The following GASK1B variants were observed in gnomAD, a reference collection of about 807,000 sequenced individuals.
GASK1B encodes the protein Golgi-associated kinase 1B.
Under a neutral mutation model 42.8 loss-of-function variants are expected in GASK1B, and 34 were observed. The ratio of observed to expected loss-of-function variants is 0.79; its 90% confidence interval spans 0.60 to 1.06. The LOEUF is 1.06. Among genes scored for constraint, GASK1B ranks in the 50% least tolerant of loss-of-function variants. GASK1B has a pLI of 0.00. For synonymous variants in GASK1B, 262 were observed against 259.1 expected, an observed-to-expected ratio of 1.01 and a Z score of -0.11; for missense variants, 686 against 661.0, an observed-to-expected ratio of 1.04 and a Z score of -0.42.
Position 158,170,807 on chromosome 4 carries a change from G to C in GASK1B, c.569C>G (p.Ala190Gly). 1.2e-6 allele frequency: 2 copies of C among 1,614,176 alleles called. No individual in the cohort carries two copies. Among genetic ancestry groups the C allele is most frequent in the Non-Finnish European group, 1.7e-6 (2 of 1,180,022 alleles). ...GGGCTGCAGGAAGTCTGGGCCCCCG[G>C]CTCGCACTCCCGGACCCCGCACCAA... ...WRLVRGPGVR[A>G]GGPDFLQPSS... The change falls in exon 2 of 5, where the codon GCC becomes GGC. Residue 190 changes from alanine to glycine, a missense_variant. Physicochemically the swap from Ala to Gly is moderately conservative, Grantham distance 60. Transcript: ENST00000585682.
chr4:158,138,504 C>G (rs1412015735), intron 3 of GASK1B, among the ~76,000 whole-genome samples: 2 of 152,090 alleles, frequency 1.3e-5, no homozygotes, highest in Non-Finnish European at 2.9e-5. Context: ...CTATTTGGAA[C>G]TAAATCTATA....
chr4:158,170,459 CTG>C lies in GASK1B; in HGVS notation c.910+5_910+6del, dbSNP rs776896861. On this transcript the variant is annotated splice_donor_5th_base_variant and intron_variant, in intron 2 of 4. Coordinates refer to ENST00000585682, the MANE Select transcript of GASK1B (RefSeq NM_001128424.2). ...GCTGCAAATAACGAAGCATGTGAAT[CTG>C]TTACCTTGGATGAACTCTGCTTTCC... is the stretch of plus-strand genomic sequence containing the variant. The C allele has an allele frequency of 3.1e-5, 50 of 1,614,144 alleles. No individual in the cohort carries two copies. Among genetic ancestry groups the C allele is most frequent in the Non-Finnish European group, 4.0e-5 (47 of 1,180,066 alleles).
Position 158,141,597 on chromosome 4 carries a change from C to CATTTTTTTTTTTTT in GASK1B, c.1126-10586_1126-10585insAAAAAAAAAAAAAT, listed in dbSNP as rs1553958620. On this transcript the variant is annotated intron_variant, in intron 3 of 4. Transcript: ENST00000585682. ...CATAGGTCAGTGCCTTTGTATTTACCTTTTTTTTTTTTTTTTTTTTTTTTT... is the reference window on the plus strand; with the variant it reads ...CATAGGTCAGTGCCTTTGTATTTACCATTTTTTTTTTTTTTTTTTTTTTTTTTTTTTTTTTTTTT... Among the ~76,000 whole-genome samples the CATTTTTTTTTTTTT allele has an allele frequency of 2.6e-5, 3 of 113,694 alleles. 1 individual carries two copies. The highest frequency in any genetic ancestry group is 3.5e-5 in the Non-Finnish European group (2 of 57,142). 74.6% of individuals were successfully genotyped at this position (113,694 alleles called of 152,430 possible).
intron 2 of GASK1B, among the ~76,000 whole-genome samples, chr4:158,158,479 A>G (rs767220277): frequency 2.0e-5 from 3 of 152,114 alleles, no homozygotes; most frequent in Admixed American, 6.6e-5. Flanking sequence ...AAATTATGCA[A>G]AGAAAAAAAG....
At chr4:158,133,159 C>G (rs150473556) in intron 3 of GASK1B, among the ~76,000 whole-genome samples, 158 of 152,236 alleles carry the variant, frequency 1.0e-3, no homozygotes, top group African/African-American at 3.5e-3. Context: ...TCAGAAAGAA[C>G]ATGAAAACTA....
chr4:158,171,297 A>G lies in GASK1B; in HGVS notation c.79T>C (p.Trp27Arg). The G allele has an allele frequency of 6.2e-7, 1 of 1,613,378 alleles. No homozygotes were observed. The highest frequency in any genetic ancestry group is 1.1e-5 in the South Asian group (1 of 90,998). ...SLCVPRVRKL[W>R]SSRRPRTRRN... is the part of the protein sequence containing the mutation. ...CGGGTCCTTGGACGCCGGCTGCTCC[A>G]GAGCTTACGCACCCGCGGGACGCAC... is the stretch of plus-strand genomic sequence containing the variant. Residue 27 changes from tryptophan (W) to arginine (R), a missense_variant, in exon 2 of 5, where the codon TGG (tryptophan) becomes CGG (arginine). Trp to Arg is a moderately radical substitution (Grantham distance 101, BLOSUM62 -3). Coordinates refer to ENST00000585682, the MANE Select transcript of GASK1B (RefSeq NM_001128424.2).
chr4:158,153,268 T>A (rs2110985812), intron 3 of GASK1B, among the ~76,000 whole-genome samples: 1 of 152,026 alleles, frequency 6.6e-6, no homozygotes, highest in South Asian at 2.1e-4. Flanking sequence ...AAAAATAAAA[T>A]AAAATACTTA....
chr4:158,153,308 T>G (rs951447035), intron 3 of GASK1B, among the ~76,000 whole-genome samples: 2 of 152,104 alleles, frequency 1.3e-5, no homozygotes, highest in Non-Finnish European at 2.9e-5. Flanking sequence ...AGGTAAAAGA[T>G]CTTTACAAGG....
intron 3 of GASK1B, among the ~76,000 whole-genome samples, chr4:158,144,280 C>G (rs1376037134): frequency 6.6e-6 from 1 of 152,128 alleles, no homozygotes; most frequent in Non-Finnish European, 1.5e-5. Context: ...AGTAAGATAA[C>G]ATCATTATTT....
intron 3 of GASK1B, among the ~76,000 whole-genome samples, chr4:158,137,314 C>A (rs553618582): frequency 1.3e-5 from 2 of 152,086 alleles, no homozygotes; most frequent in South Asian, 2.1e-4. Context: ...TGGAAGATTT[C>A]TTTCAATCCA....
chr4:158,136,919 G>A (rs1040499030), intron 3 of GASK1B, among the ~76,000 whole-genome samples: 16 of 152,164 alleles, frequency 1.1e-4, no homozygotes, highest in African/African-American at 3.9e-4. Context: ...GTTTGTTATT[G>A]AATGAACCCT....
At chr4:158,159,541 C>T (rs1731886886) in intron 2 of GASK1B, 1 of 449,268 alleles carries the variant, frequency 2.2e-6, no homozygotes, top group Non-Finnish European at 4.5e-6. Context: ...AGATGAGAAG[C>T]ATTCATCTCT....
At chr4:158,130,714 T>G in intron 4 of GASK1B, 72 bp downstream of exon 4, 1 of 1,131,812 alleles carries the variant, frequency 8.8e-7, no homozygotes, top group South Asian at 1.4e-5. Context: ...ATGTAAGATG[T>G]GAGTTTTCTC....
At chr4:158,127,657 G>T (rs1730514114) in intron 4 of GASK1B, 43 bp from the exon 5 acceptor site, 2 of 1,537,198 alleles carry the variant, frequency 1.3e-6, no homozygotes, top group Non-Finnish European at 1.8e-6. Context: ...AATTGCTTGG[G>T]AATAGTACTC....
At chr4:158,139,159 C>CAT (rs1731020071) in intron 3 of GASK1B, among the ~76,000 whole-genome samples, 1 of 152,184 alleles carries the variant, frequency 6.6e-6, no homozygotes, top group Non-Finnish European at 1.5e-5. Context: ...ATTTCAAAAA[C>CAT]ATCCGCCTGC....
chr4:158,151,945 G>A (rs1239477230), intron 3 of GASK1B, among the ~76,000 whole-genome samples: 2 of 152,196 alleles, frequency 1.3e-5, no homozygotes, highest in African/African-American at 4.8e-5. Context: ...CAATCTGGGT[G>A]GGCACCGTCT....
chr4:158,170,870 C>G lies in GASK1B; in HGVS notation c.506G>C (p.Gly169Ala), dbSNP rs200924029. The G allele has an allele frequency of 6.2e-7, 1 of 1,614,230 alleles. No individual in the cohort carries two copies. The highest frequency in any genetic ancestry group is 1.1e-5 in the South Asian group (1 of 91,090). The change falls in exon 2 of 5, where the codon GGA becomes GCA. Residue 169 changes from glycine (G) to alanine (A), a missense_variant. Transcript: ENST00000585682. ...ADAVAPGYAQ[G>A]ANLVKIGERP... ...CTCTCCAATCTTAACCAGGTTTGCTCCCTGAGCGTACCCAGGTGCTACAGC... is the reference window on the plus strand; with the variant it reads ...CTCTCCAATCTTAACCAGGTTTGCTGCCTGAGCGTACCCAGGTGCTACAGC...
intron 4 of GASK1B, 127 bp downstream of exon 4, chr4:158,130,659 C>G: frequency 1.3e-6 from 1 of 786,430 alleles, no homozygotes. Context: ...GTCTCCATTC[C>G]CAGATTCCAC....
intron 2 of GASK1B, chr4:158,169,196 A>G (rs1174169774): frequency 6.6e-6 from 1 of 152,260 alleles, no homozygotes; most frequent in African/African-American, 2.4e-5. Context: ...TATAATCCTT[A>G]GCAAATTGTG....
Sources: gnomAD v4.1 joint callset for allele counts (sites outside exome capture counted in the v4.1 genomes callset) on GRCh38, gnomAD v4.1.1 for gene constraint, MANE v1.5 for transcripts, NCBI Gene and HGNC (gene_info 2026-07-23, HGNC 2026-07-21) for gene names.